Variants in L2HGDH observed in about 807,000 individuals in gnomAD.
L2HGDH encodes the protein L-2-hydroxyglutarate dehydrogenase, mitochondrial.
A neutral mutation model predicts 51.5 loss-of-function variants in L2HGDH; 34 were observed. The observed-to-expected ratio is 0.66, with a 90% CI of 0.50 to 0.88. The LOEUF (loss-of-function observed/expected upper bound fraction) is 0.88. Ranked by LOEUF, L2HGDH falls within the 40% of genes least tolerant of loss-of-function variation. The pLI is 0.00. For synonymous variants in L2HGDH, 198 were observed against 197.9 expected (o/e 1.00, Z -0.01); for missense variants, 558 against 571.9 (o/e 0.98, Z 0.25).
intron 9 of L2HGDH, among the ~76,000 whole-genome samples, chr14:50,256,805 T>A (rs1363317137): frequency 2.0e-5 from 3 of 152,172 alleles, no homozygotes; most frequent in Admixed American, 6.6e-5. Flanking sequence ...GCACTGTACA[T>A]CTTGAATTTG....
intron 1 of L2HGDH, among the ~76,000 whole-genome samples, chr14:50,308,923 T>C (rs889045813): frequency 6.6e-6 from 1 of 152,200 alleles, no homozygotes; most frequent in African/African-American, 2.4e-5. Flanking sequence ...TGGAATTCTA[T>C]TCAACAATTT....
chr14:50,267,883 C>A lies in L2HGDH; in HGVS notation c.934G>T (p.Gly312Ter). 6.2e-7 allele frequency: 1 copy of A among 1,614,122 alleles called. No homozygotes were observed. The highest frequency in any genetic ancestry group is 1.1e-5 in the South Asian group (1 of 91,092). The change falls in exon 8 of 10, where the codon GGA becomes TGA. Residue 312 changes from glycine (G) to a stop codon, truncating the protein, a stop_gained. Coordinates refer to ENST00000267436, the MANE Select transcript of L2HGDH (RefSeq NM_024884.3). LOFTEE classifies it high-confidence loss of function. ...PVPDSRFPFL[G>*]VHFTPRMDGS... ...TCCATCCTTGGTGTGAAGTGAACTCCTAGGAAAGGAAACCGGCTATCTGGG... is the reference window on the plus strand; with the variant it reads ...TCCATCCTTGGTGTGAAGTGAACTCATAGGAAAGGAAACCGGCTATCTGGG...
chr14:50,299,144 C>T (rs534991888), intron 3 of L2HGDH, among the ~76,000 whole-genome samples: 4 of 152,188 alleles, frequency 2.6e-5, no homozygotes, highest in African/African-American at 7.2e-5. Flanking sequence ...AGAGACATTA[C>T]AACCAATACC....
intron 6 of L2HGDH, among the ~76,000 whole-genome samples, chr14:50,278,079 C>A (rs1890068888): frequency 6.6e-6 from 1 of 152,146 alleles, no homozygotes; most frequent in Non-Finnish European, 1.5e-5. Flanking sequence ...CAACTTGATG[C>A]AGCGAACCTA....
rs548089257 is a variant in L2HGDH, at chr14:50,271,710, AAAAT to A, written c.739-2384_739-2381del. ...ATTAGAGATAAAGTCCCCAATTAAA[AAAAT>A]AAATAAATAAAAAGAAGACAAAGAA... is the stretch of plus-strand genomic sequence containing the variant. On this transcript the variant is annotated intron_variant, in intron 6 of 9. Coordinates refer to ENST00000267436, the MANE Select transcript of L2HGDH (RefSeq NM_024884.3). Among the ~76,000 whole-genome samples, 850 of 152,302 alleles carry A rather than the reference AAAAT, an allele frequency of 5.6e-3. 7 individuals are homozygous for A. Among genetic ancestry groups the A allele is most frequent in the Non-Finnish European group, 8.7e-3 (590 of 68,022 alleles).
intron 9 of L2HGDH, among the ~76,000 whole-genome samples, chr14:50,260,612 C>T (rs544279713): frequency 5.3e-4 from 80 of 152,234 alleles, no homozygotes; most frequent in African/African-American, 1.8e-3. Flanking sequence ...CCCTTACTTT[C>T]CCTTACTCTC....
chr14:50,264,112 G>T (rs866292617), intron 9 of L2HGDH, among the ~76,000 whole-genome samples: 8 of 151,322 alleles, frequency 5.3e-5, no homozygotes, highest in Middle Eastern at 3.4e-3. Context: ...GGGTGCAGTG[G>T]CTCACGCCTG....
chr14:50,269,202 C>G lies in L2HGDH; in HGVS notation c.867G>C (p.Lys289Asn). The change falls in exon 7 of 10, where the codon AAG becomes AAC. Residue 289 changes from lysine to asparagine, a missense_variant. By Grantham distance (94) the Lys-to-Asn change is moderately conservative. Around this residue, in one of 3 missense-constraint regions of L2HGDH, gnomAD observed 321 missense variants for 311.8 expected, o/e 1.03. Coordinates refer to ENST00000267436, the MANE Select transcript of L2HGDH (RefSeq NM_024884.3). Reference sequence around the variant, plus strand: ...CTTTTACAAGATAACATTTTTCTGGCTTCAAAAGCAGGTAATCTCCCCGGA... The same window carrying G: ...CTTTTACAAGATAACATTTTTCTGGGTTCAAAAGCAGGTAATCTCCCCGGA... ...VPFRGDYLLL[K>N]PEKCYLVKGN... 6.2e-7 allele frequency: 1 copy of G among 1,612,906 alleles called. No homozygotes were observed.
chr14:50,262,346 C>A (rs947538534), intron 9 of L2HGDH, among the ~76,000 whole-genome samples: 3 of 151,550 alleles, frequency 2.0e-5, no homozygotes, highest in Non-Finnish European at 4.4e-5. Context: ...AGGAGAATCG[C>A]CTGAACCAGG....
chr14:50,273,345 A>G (rs1889802731), intron 6 of L2HGDH, among the ~76,000 whole-genome samples: 1 of 152,226 alleles, frequency 6.6e-6, no homozygotes. Flanking sequence ...CATGAACTAC[A>G]TGATTAGGTG....
intron 5 of L2HGDH, chr14:50,282,349 T>G: frequency 2.4e-6 from 1 of 424,364 alleles, no homozygotes; most frequent in Non-Finnish European, 4.7e-6. Context: ...ACTTTCCTAG[T>G]CCAGCCTCTT....
rs924272803 is a variant in L2HGDH, at chr14:50,245,092, T to C, written c.*1966A>G. 6.1e-6 allele frequency: 6 copies of C among 985,674 alleles called. No individual in the cohort carries two copies. The highest frequency in any genetic ancestry group is 9.4e-5 in the South Asian group (2 of 21,292). 61.1% of individuals were successfully genotyped at this position (985,674 alleles called of 1,614,324 possible). On this transcript the variant is annotated 3_prime_UTR_variant, in exon 10 of 10. Transcript: ENST00000267436. ...CAACTTAAAATACTCATGAGGTGAA[T>C]GTAAGGCACTTTCGCGGTTTACAAA...
intron 6 of L2HGDH, among the ~76,000 whole-genome samples, chr14:50,269,684 C>T (rs1462706548): frequency 2.0e-5 from 3 of 152,152 alleles, no homozygotes; most frequent in African/African-American, 7.2e-5. Flanking sequence ...CTATTTGCTG[C>T]ATGAGGAAGC....
intron 6 of L2HGDH, among the ~76,000 whole-genome samples, chr14:50,272,009 G>A (rs1469668662): frequency 6.6e-6 from 1 of 152,038 alleles, no homozygotes; most frequent in African/African-American, 2.4e-5. Context: ...GGCGTGGTGA[G>A]ACACACCTGT....
At chr14:50,269,435 T>G in intron 6 of L2HGDH, 105 bp from the exon 7 acceptor site, 2 of 1,152,930 alleles carry the variant, frequency 1.7e-6, no homozygotes, top group South Asian at 1.3e-5. Flanking sequence ...AAATAGAATT[T>G]TTTCTAAAAG....
intron 6 of L2HGDH, among the ~76,000 whole-genome samples, chr14:50,276,177 G>A (rs1182539147): frequency 2.6e-5 from 4 of 152,134 alleles, no homozygotes; most frequent in African/African-American, 4.8e-5. Context: ...AAACTACCTC[G>A]ACCCAAAACA....
intron 9 of L2HGDH, among the ~76,000 whole-genome samples, chr14:50,260,591 C>G (rs964820982): frequency 6.6e-6 from 1 of 152,078 alleles, no homozygotes; most frequent in African/African-American, 2.4e-5. Context: ...CTGTTTTTTG[C>G]TCTGGGATGC....
intron 9 of L2HGDH, 104 bp downstream of exon 9, chr14:50,265,254 G>A: frequency 1.0e-6 from 1 of 976,384 alleles, no homozygotes. Context: ...CAGTGCATAT[G>A]CAGACTGACT....
At chr14:50,262,112 A>G (rs1447263221) in intron 9 of L2HGDH, among the ~76,000 whole-genome samples, 2 of 152,202 alleles carry the variant, frequency 1.3e-5, no homozygotes, top group Non-Finnish European at 2.9e-5. Flanking sequence ...GAGACAAGGC[A>G]GGACTTAGGC....
Sources: gnomAD v4.1 joint callset for allele counts (sites outside exome capture counted in the v4.1 genomes callset) on GRCh38, gnomAD v4.1.1 for gene constraint, gnomAD v4.1.1 regional missense constraint, MANE v1.5 for transcripts, NCBI Gene and HGNC (gene_info 2026-07-23, HGNC 2026-07-21) for gene names.